The following SORBS2 variants were observed in gnomAD, a reference collection of about 807,000 sequenced individuals.
SORBS2 encodes sorbin and SH3 domain containing 2, also known as sorbin and SH3 domain-containing protein 2.
SORBS2 carries 46 observed loss-of-function variants against 97.7 expected under a neutral mutation model. The ratio of observed to expected loss-of-function variants is 0.47; its 90% CI spans 0.37 to 0.60. The LOEUF is 0.60. Ranked by LOEUF, SORBS2 falls within the 20% of genes least tolerant of loss-of-function variation. SORBS2 has a pLI of 0.00. For missense variants in SORBS2, 1,316 were observed against 1,282.3 expected (o/e 1.03, Z -0.40); for synonymous variants, 476 against 473.4 (o/e 1.01, Z -0.07).
chr4:185,662,268 T>G (rs766616828), intron 4 of SORBS2, 26 bp from the exon 8 acceptor site: 1 of 1,574,372 alleles, frequency 6.4e-7, no homozygotes, highest in Non-Finnish European at 8.6e-7. Flanking sequence ...AGGCATCGAG[T>G]TAAATTAGCA....
rs1436919440 is a variant in SORBS2, at chr4:185,610,375, A to C, written c.2796+1405T>G. On this transcript the variant is annotated intron_variant, in intron 12 of 14. Transcript: ENST00000418609. ...TACTGAAGGAAGGATGCTGATCTGT[A>C]AATGCTAAGGTCTGGTAATGAAGTA... Among the ~76,000 whole-genome samples, 3 of 152,296 alleles carry C rather than the reference A, an allele frequency of 2.0e-5. No homozygotes were observed. The South Asian group carries it at 6.2e-4, about 32-fold the overall frequency.
chr4:185,866,692 T>G (rs946404460), intron 1 of SORBS2, among the ~76,000 whole-genome samples: 1 of 152,256 alleles, frequency 6.6e-6, no homozygotes, highest in Non-Finnish European at 1.5e-5. Context: ...TTATACTTTA[T>G]GACAAGCTAC....
In SORBS2 at chr4:185,684,716, A is replaced by G; in HGVS notation, c.-197-5894T>C. On this transcript the variant is annotated intron_variant, in intron 2 of 20. Transcript: ENST00000284776. The surrounding 1 kb of genome is among the most constrained non-coding windows in gnomAD (Gnocchi z 4.2). ...AAAACAGTCAGAAGAGCTAGAAGCC[A>G]TTCAAGTGCGACATTGTGTGAGTTA... 1 of 1,394,932 alleles carries G rather than the reference A, an allele frequency of 7.2e-7. No individual in the cohort carries two copies. The highest frequency in any genetic ancestry group is 9.9e-7 in the Non-Finnish European group (1 of 1,005,296). 86.4% of individuals were successfully genotyped at this position (1,394,932 alleles called of 1,614,324 possible).
At chr4:185,872,263 G>A (rs1453562197) in intron 1 of SORBS2, among the ~76,000 whole-genome samples, 1 of 152,152 alleles carries the variant, frequency 6.6e-6, no homozygotes, top group Non-Finnish European at 1.5e-5. Flanking sequence ...TACAGTGAAT[G>A]CAGTTAATTT....
chr4:185,928,665 C>A (rs1489077106), intron 1 of SORBS2, among the ~76,000 whole-genome samples: 2 of 152,102 alleles, frequency 1.3e-5, no homozygotes, highest in Admixed American at 1.3e-4. Context: ...CCTGCCTCAT[C>A]CTCCCGAGTA....
intron 2 of SORBS2, among the ~76,000 whole-genome samples, chr4:185,713,236 G>C (rs2098438684): frequency 6.6e-6 from 1 of 152,114 alleles, no homozygotes; most frequent in Admixed American, 6.5e-5. Flanking sequence ...AGCCCACACT[G>C]TCCTCTCCCT....
At chr4:185,751,301 G>GC (rs2098799127) in intron 2 of SORBS2, among the ~76,000 whole-genome samples, 1 of 151,882 alleles carries the variant, frequency 6.6e-6, no homozygotes, top group African/African-American at 2.4e-5. Context: ...TTGGATGTTA[G>GC]GAACTACACT....
At chr4:185,691,151 C>T (rs776143142) in intron 2 of SORBS2, among the ~76,000 whole-genome samples, 5 of 152,168 alleles carry the variant, frequency 3.3e-5, no homozygotes, top group African/African-American at 7.2e-5. Flanking sequence ...CCACCTGATT[C>T]GGCCTCCCAG....
At chr4:185,791,445 G>GA (rs1013988971) in intron 1 of SORBS2, among the ~76,000 whole-genome samples, 5 of 152,062 alleles carry the variant, frequency 3.3e-5, no homozygotes, top group Admixed American at 1.3e-4. Context: ...CTGCCCCATA[G>GA]AAAAAACCTA....
intron 2 of SORBS2, among the ~76,000 whole-genome samples, chr4:185,692,613 T>A (rs2098117027): frequency 6.6e-6 from 1 of 152,158 alleles, no homozygotes; most frequent in Non-Finnish European, 1.5e-5. Context: ...AAAATTATAA[T>A]AATAAAATCA....
chr4:185,824,486 T>C (rs1296212282), intron 1 of SORBS2, among the ~76,000 whole-genome samples: 4 of 152,324 alleles, frequency 2.6e-5, no homozygotes, highest in Non-Finnish European at 4.4e-5. Flanking sequence ...CAAAGTATCT[T>C]TTGAGGGGAC....
chr4:185,678,451 T>G (rs1582550594), exon 4 of SORBS2: 5 of 1,550,642 alleles, frequency 3.2e-6, no homozygotes, highest in Non-Finnish European at 4.4e-6. Flanking sequence ...ATCTTGTAGG[T>G]TTGGTCGAAC....
At chr4:185,720,022 T>C (rs1280102134) in intron 2 of SORBS2, among the ~76,000 whole-genome samples, 2 of 152,220 alleles carry the variant, frequency 1.3e-5, no homozygotes, top group Non-Finnish European at 2.9e-5. Flanking sequence ...AGGCAAGAGG[T>C]GCCCTCTTTG....
chr4:185,944,582 G>T (rs894218303), intron 1 of SORBS2, among the ~76,000 whole-genome samples: 3 of 152,178 alleles, frequency 2.0e-5, no homozygotes, highest in Non-Finnish European at 4.4e-5. Flanking sequence ...AAACTACAGA[G>T]AAGCTGAAAT....
chr4:185,665,840 T>C (rs1363508093), intron 4 of SORBS2: 5 of 1,151,656 alleles, frequency 4.3e-6, no homozygotes, highest in East Asian at 1.2e-4. Flanking sequence ...GAGTCACCAA[T>C]CTGCAGCTCC....
chr4:185,779,125 G>A (rs114238442), intron 1 of SORBS2, among the ~76,000 whole-genome samples: 7 of 152,318 alleles, frequency 4.6e-5, no homozygotes, highest in Admixed American at 1.3e-4. Flanking sequence ...AAGACCATCT[G>A]CAGCTTTGCT....
intron 4 of SORBS2, among the ~76,000 whole-genome samples, chr4:185,643,943 A>C (rs191706938): frequency 2.0e-4 from 31 of 152,262 alleles, no homozygotes; most frequent in South Asian, 1.7e-3. Context: ...AACACTTCAG[A>C]ATCTTATGTA....
intron 13 of SORBS2, among the ~76,000 whole-genome samples, chr4:185,591,146 C>T (rs879374802): frequency 1.1e-4 from 16 of 152,214 alleles, no homozygotes; most frequent in Non-Finnish European, 2.2e-4. Flanking sequence ...GGCTTCCCCC[C>T]GTTCATCCAG....
At chr4:185,690,009 G>T (rs2098061749) in intron 2 of SORBS2, among the ~76,000 whole-genome samples, 1 of 152,298 alleles carries the variant, frequency 6.6e-6, no homozygotes, top group African/African-American at 2.4e-5. Flanking sequence ...CACTTTTACA[G>T]TTAAAATGTA....
Sources: allele counts gnomAD v4.1 joint callset (sites outside exome capture counted in the v4.1 genomes callset), GRCh38; gene constraint gnomAD v4.1.1; non-coding constraint Gnocchi (gnomAD v3.1); transcripts MANE v1.5; gene names NCBI Gene and HGNC (gene_info 2026-07-23, HGNC 2026-07-21).